MBD5: variants seen among roughly 807,000 people sequenced by gnomAD.
MBD5 encodes methyl-CpG-binding domain protein 5.
A neutral mutation model predicts 117.3 loss-of-function variants in MBD5; 13 were observed. The ratio of observed to expected loss-of-function variants is 0.11; its 90% CI spans 0.07 to 0.18. The LOEUF is 0.18. Among genes scored for constraint, MBD5 ranks in the 10% least tolerant of loss-of-function variants. The pLI is 1.00. For missense variants in MBD5, 1,879 were observed against 2,093.8 expected (o/e 0.90, Z 2.00); for synonymous variants, 727 against 766.4 (o/e 0.95, Z 0.85).
At chr2:148,154,528 A>G (rs964809261) in intron 1 of MBD5, among the ~76,000 whole-genome samples, 2 of 152,110 alleles carry the variant, frequency 1.3e-5, no homozygotes, top group African/African-American at 4.8e-5. Context: ...CCCCTCCCCC[A>G]GCCTGGCTGC....
At chr2:148,072,218 C>T (rs1477465216) in intron 1 of MBD5, among the ~76,000 whole-genome samples, 1 of 152,034 alleles carries the variant, frequency 6.6e-6, no homozygotes, top group Non-Finnish European at 1.5e-5. Context: ...GTGAAAAATA[C>T]CTTTGGGTAA....
chr2:148,260,732 G>C (rs1289902458), intron 3 of MBD5: 1 of 175,974 alleles, frequency 5.7e-6, no homozygotes, highest in Non-Finnish European at 1.2e-5. Flanking sequence ...ATGGCATCTA[G>C]AATGGTAAAT....
chr2:148,188,682 C>CAAAA (rs34805724), intron 2 of MBD5, among the ~76,000 whole-genome samples: 2 of 104,766 alleles, frequency 1.9e-5, no homozygotes, highest in African/African-American at 7.1e-5. Context: ...GACCCTGTCT[C>CAAAA]AAAAAAAAAA....
At chr2:148,160,999 C>CA (rs939549641) in intron 1 of MBD5, among the ~76,000 whole-genome samples, 3 of 152,166 alleles carry the variant, frequency 2.0e-5, no homozygotes, top group African/African-American at 7.2e-5. Context: ...TTTTCTTGCA[C>CA]ATACTGCCTT....
intron 4 of MBD5, among the ~76,000 whole-genome samples, chr2:148,411,151 G>A (rs1705234795): frequency 1.3e-5 from 2 of 152,032 alleles, no homozygotes; most frequent in African/African-American, 4.8e-5. Flanking sequence ...TAAGATAATG[G>A]CCTTGAGCTC....
chr2:148,231,620 C>T (rs752673781), intron 2 of MBD5, among the ~76,000 whole-genome samples: 1 of 152,024 alleles, frequency 6.6e-6, no homozygotes, highest in Non-Finnish European at 1.5e-5. Context: ...TCTATTCTGC[C>T]ATCTTGCCCT....
intron 4 of MBD5, among the ~76,000 whole-genome samples, chr2:148,378,751 A>G (rs923884811): frequency 2.0e-5 from 3 of 152,054 alleles, no homozygotes; most frequent in African/African-American, 7.2e-5. Flanking sequence ...TTCACTCAGA[A>G]TTTGGTATAG....
intron 4 of MBD5, among the ~76,000 whole-genome samples, chr2:148,427,454 CA>C (rs1359634444): frequency 6.6e-6 from 1 of 152,118 alleles, no homozygotes; most frequent in East Asian, 1.9e-4. Flanking sequence ...GAATACTATG[CA>C]GCCATAAAAA....
intron 4 of MBD5, among the ~76,000 whole-genome samples, chr2:148,436,993 AT>A (rs1171749954): frequency 6.6e-6 from 1 of 151,382 alleles, no homozygotes; most frequent in Non-Finnish European, 1.5e-5. Flanking sequence ...TTTATTTTTT[AT>A]TTTTATTTTT....
At chr2:148,406,560 T>C (rs183354737) in intron 4 of MBD5, among the ~76,000 whole-genome samples, 34 of 152,326 alleles carry the variant, frequency 2.2e-4, no homozygotes, top group Non-Finnish European at 4.6e-4. Context: ...TTGCTTATAC[T>C]CTTACAATGG....
intron 2 of MBD5, among the ~76,000 whole-genome samples, chr2:148,213,792 C>T (rs1350663791): frequency 6.6e-6 from 1 of 152,038 alleles, no homozygotes; most frequent in Non-Finnish European, 1.5e-5. Context: ...AATTTATAGA[C>T]ATCAAAGAAT....
chr2:148,421,535 T>C (rs1273261799), intron 4 of MBD5, among the ~76,000 whole-genome samples: 1 of 152,052 alleles, frequency 6.6e-6, no homozygotes, highest in Admixed American at 6.5e-5. Flanking sequence ...CAGAAGTTTT[T>C]TTTTTTTTCA....
chr2:148,252,554 C>T (rs751777275), intron 3 of MBD5, among the ~76,000 whole-genome samples: 9 of 152,074 alleles, frequency 5.9e-5, no homozygotes, highest in Non-Finnish European at 1.2e-4. Context: ...TATGGAAAAC[C>T]TCTGCAAGTT....
At chr2:148,129,083 AT>A (rs1558937768) in intron 1 of MBD5, among the ~76,000 whole-genome samples, 1 of 152,154 alleles carries the variant, frequency 6.6e-6, no homozygotes, top group Non-Finnish European at 1.5e-5. Flanking sequence ...TCCAACCCCA[AT>A]TTTAATTATT....
intron 1 of MBD5, among the ~76,000 whole-genome samples, chr2:148,156,931 T>C (rs1024952667): frequency 4.6e-5 from 7 of 152,198 alleles, no homozygotes; most frequent in African/African-American, 1.7e-4. Flanking sequence ...TCCTCTTCCA[T>C]AGCTAGCACA....
intron 1 of MBD5, among the ~76,000 whole-genome samples, chr2:148,112,447 T>C (rs1340295929): frequency 6.6e-6 from 1 of 152,156 alleles, no homozygotes; most frequent in African/African-American, 2.4e-5. Flanking sequence ...TAAAATGGCC[T>C]AACAAACCTT....
chr2:148,155,852 G>A (rs137872804), intron 1 of MBD5, among the ~76,000 whole-genome samples: 1 of 152,342 alleles, frequency 6.6e-6, no homozygotes, highest in African/African-American at 2.4e-5. Flanking sequence ...AGCACTCTTA[G>A]TAGCACATGG....
At chr2:148,244,810 T>C (rs1472221561) in intron 3 of MBD5, among the ~76,000 whole-genome samples, 3 of 152,160 alleles carry the variant, frequency 2.0e-5, no homozygotes, top group South Asian at 2.1e-4. Flanking sequence ...TCCTAAACAG[T>C]GTGCTTGAGA....
intron 3 of MBD5, among the ~76,000 whole-genome samples, chr2:148,328,170 G>T (rs555761249): frequency 6.6e-6 from 1 of 152,228 alleles, no homozygotes; most frequent in Admixed American, 6.5e-5. Context: ...AGGGGTCAGG[G>T]ACCCACTTGA....
Sources: allele counts gnomAD v4.1 joint callset (sites outside exome capture counted in the v4.1 genomes callset), GRCh38; gene constraint gnomAD v4.1.1; transcripts MANE v1.5; gene names NCBI Gene and HGNC (gene_info 2026-07-23, HGNC 2026-07-21).